The following UTRN variants were observed in gnomAD, a reference collection of about 807,000 sequenced individuals.
The protein encoded by UTRN is dystrophin-related protein 1.
Under a neutral mutation model 463.9 loss-of-function variants are expected in UTRN, and 283 were observed. The observed-to-expected ratio is 0.61, with a 90% CI of 0.55 to 0.67. UTRN has a LOEUF of 0.67. Ranked by LOEUF, UTRN falls within the 30% of genes least tolerant of loss-of-function variation. The pLI is 0.00. For synonymous variants in UTRN, 1,442 were observed against 1,431.5 expected (o/e 1.01, Z -0.17); for missense variants, 3,922 against 4,084.3 (o/e 0.96, Z 1.08).
At chr6:144,475,598 G>A (rs772329275) in intron 25 of UTRN, among the ~76,000 whole-genome samples, 3 of 152,126 alleles carry the variant, frequency 2.0e-5, no homozygotes, top group Admixed American at 1.3e-4. Flanking sequence ...ATCTTTTAAG[G>A]TCACTCTGGC....
intron 2 of UTRN, among the ~76,000 whole-genome samples, chr6:144,338,216 T>C (rs1337119015): frequency 6.6e-6 from 1 of 152,232 alleles, no homozygotes; most frequent in African/African-American, 2.4e-5. Flanking sequence ...TGAGTATTTT[T>C]AGACATGTGC....
At chr6:144,846,048 T>TC (rs905513400) in intron 73 of UTRN, among the ~76,000 whole-genome samples, 11 of 151,514 alleles carry the variant, frequency 7.3e-5, no homozygotes, top group Non-Finnish European at 1.6e-4. Flanking sequence ...TCTCCTCTTT[T>TC]CCCCCCAGCA....
intron 58 of UTRN, among the ~76,000 whole-genome samples, chr6:144,761,406 A>G (rs79671078): frequency 0.026 from 4,016 of 152,096 alleles, 180 homozygotes; most frequent in African/African-American, 0.091. Context: ...TTATAATCCT[A>G]ATGCTTGGGA....
intron 50 of UTRN, among the ~76,000 whole-genome samples, chr6:144,559,487 T>C (rs1203963995): frequency 1.3e-5 from 2 of 152,208 alleles, no homozygotes; most frequent in Admixed American, 1.3e-4. Flanking sequence ...AATTTTTAAC[T>C]ATTTTAAATG....
Position 144,536,433 on chromosome 6 carries a change from G to T in UTRN, c.6234-1149G>T, listed in dbSNP as rs189976492. Among the ~76,000 whole-genome samples the T allele has an allele frequency of 9.9e-5, 15 of 152,114 alleles. 1 individual carries two copies. The highest frequency in any genetic ancestry group is 1.5e-5 in the Non-Finnish European group (1 of 67,962). On this transcript the variant is annotated intron_variant, in intron 43 of 74. Transcript: ENST00000367545. ...ACTTGTTTTAGTCTTAGTAATTAGT[G>T]CTGTTGCTGTATTTATTTATTTTTA... is the stretch of plus-strand genomic sequence containing the variant.
chr6:144,375,930 C>G (rs1164903709), intron 2 of UTRN, among the ~76,000 whole-genome samples: 1 of 152,140 alleles, frequency 6.6e-6, no homozygotes. Context: ...TTCTTCCCCC[C>G]CACATAGGGT....
chr6:144,788,463 C>T (rs1309545632), intron 61 of UTRN, among the ~76,000 whole-genome samples: 1 of 151,736 alleles, frequency 6.6e-6, no homozygotes, highest in Non-Finnish European at 1.5e-5. Flanking sequence ...TATCACTAGA[C>T]TTTTCTTCCT....
At chr6:144,654,972 G>C (rs899396861) in intron 51 of UTRN, among the ~76,000 whole-genome samples, 1 of 151,942 alleles carries the variant, frequency 6.6e-6, no homozygotes, top group Non-Finnish European at 1.5e-5. Flanking sequence ...ATGTCTATTG[G>C]AATCTTTTGG....
chr6:144,497,700 G>T (rs1793795413), intron 33 of UTRN, among the ~76,000 whole-genome samples: 1 of 151,314 alleles, frequency 6.6e-6, no homozygotes, highest in African/African-American at 2.4e-5. Flanking sequence ...AAAAAAGGTA[G>T]AAGCATGCAG....
At chr6:144,636,894 C>T (rs1038650672) in intron 51 of UTRN, among the ~76,000 whole-genome samples, 2 of 152,036 alleles carry the variant, frequency 1.3e-5, no homozygotes, top group African/African-American at 2.4e-5. Context: ...AACAGAGTAG[C>T]CTTGAGGTTT....
chr6:144,448,893 G>C (rs1438785937), intron 17 of UTRN, 124 bp downstream of exon 17: 12 of 1,181,202 alleles, frequency 1.0e-5, no homozygotes, highest in African/African-American at 1.6e-5. Flanking sequence ...TTATTATTAT[G>C]AAAAGTCAAC....
intron 2 of UTRN, among the ~76,000 whole-genome samples, chr6:144,325,134 G>A (rs73591104): frequency 0.03 from 4,493 of 152,210 alleles, 215 homozygotes; most frequent in African/African-American, 0.1. Context: ...GACACCAGGA[G>A]GTGCCCCAGT....
intron 51 of UTRN, among the ~76,000 whole-genome samples, chr6:144,666,932 T>C (rs894991938): frequency 6.6e-6 from 1 of 152,230 alleles, no homozygotes; most frequent in African/African-American, 2.4e-5. Flanking sequence ...TTTATGTTCT[T>C]GGAACCCAAA....
chr6:144,336,838 C>CCTT (rs1299959005), intron 2 of UTRN, among the ~76,000 whole-genome samples: 1 of 152,068 alleles, frequency 6.6e-6, no homozygotes, highest in Non-Finnish European at 1.5e-5. Flanking sequence ...GAACTCTTGG[C>CCTT]CTTCATTCCT....
intron 57 of UTRN, among the ~76,000 whole-genome samples, chr6:144,757,043 G>A (rs779849880): frequency 1.1e-4 from 17 of 152,102 alleles, no homozygotes; most frequent in Non-Finnish European, 2.4e-4. Context: ...GTGACAACTG[G>A]CTACGTGAGG....
At chr6:144,287,614 A>C (rs1335430373) in intron 1 of UTRN, among the ~76,000 whole-genome samples, 2 of 152,256 alleles carry the variant, frequency 1.3e-5, no homozygotes, top group Non-Finnish European at 2.9e-5. Context: ...TATTCATTGT[A>C]TAATTCCTAA....
intron 43 of UTRN, among the ~76,000 whole-genome samples, chr6:144,535,893 C>CTGAGTAGTTGGGG (rs1480099682): frequency 2.0e-5 from 3 of 152,162 alleles, no homozygotes; most frequent in Admixed American, 2.0e-4. Flanking sequence ...AATCCTCTCA[C>CTGAGTAGTTGGGG]CCTAGTCTTC....
At chr6:144,774,202 A>G in intron 59 of UTRN, 88 bp from the exon 60 acceptor site, 1 of 1,245,110 alleles carries the variant, frequency 8.0e-7, no homozygotes, top group Non-Finnish European at 1.1e-6. Flanking sequence ...ATATTTTTTC[A>G]TCATCCAAAG....
chr6:144,570,459 C>A (rs1800834616), intron 50 of UTRN, among the ~76,000 whole-genome samples: 2 of 152,140 alleles, frequency 1.3e-5, no homozygotes, highest in Admixed American at 1.3e-4. Flanking sequence ...GAAGACAATC[C>A]TTGCCCAAGC....
Sources: allele counts gnomAD v4.1 joint callset (sites outside exome capture counted in the v4.1 genomes callset), GRCh38; gene constraint gnomAD v4.1.1; transcripts MANE v1.5; gene names NCBI Gene and HGNC (gene_info 2026-07-23, HGNC 2026-07-21).